Variants in DLG2 observed in about 807,000 individuals in gnomAD.
The protein encoded by DLG2 is discs large MAGUK scaffold protein 2.
DLG2 carries 45 observed loss-of-function variants against 132.5 expected under a neutral mutation model. That is an observed-to-expected ratio of 0.34 (90% CI 0.27 to 0.44). DLG2 has a LOEUF of 0.44. Ranked by LOEUF, DLG2 falls within the 20% of genes least tolerant of loss-of-function variation. The pLI is 1.00. For synonymous variants in DLG2, 424 were observed against 419.6 expected, an observed-to-expected ratio of 1.01 and a Z score of -0.13; for missense variants, 1,045 against 1,196.9, an observed-to-expected ratio of 0.87 and a Z score of 1.87.
intron 3 of DLG2, among the ~76,000 whole-genome samples, chr11:85,425,654 G>A (rs759850124): frequency 3.9e-5 from 6 of 151,988 alleles, no homozygotes; most frequent in Non-Finnish European, 7.4e-5. Context: ...AAAAAATCGG[G>A]GGTGGAGGCA....
intron 3 of DLG2, among the ~76,000 whole-genome samples, chr11:85,485,180 T>C (rs286504): frequency 0.88 from 133,221 of 151,100 alleles, 59,440 homozygotes; most frequent in Middle Eastern, 0.97. Context: ...GGAAGGGGAA[T>C]GTCACACTCT....
intron 3 of DLG2, among the ~76,000 whole-genome samples, chr11:85,434,964 T>G (rs2091397500): frequency 6.6e-6 from 1 of 152,160 alleles, no homozygotes; most frequent in Admixed American, 6.5e-5. Context: ...ATCAAAAAGC[T>G]TATCCACCAC....
chr11:85,350,358 T>G (rs541592408), intron 3 of DLG2, among the ~76,000 whole-genome samples: 11 of 152,364 alleles, frequency 7.2e-5, no homozygotes, highest in Admixed American at 2.6e-4. Context: ...TTCTGTAGGT[T>G]GCCTGTTCAC....
intron 22 of DLG2, chr11:83,480,664 A>G (rs769132144): frequency 6.5e-7 from 1 of 1,534,732 alleles, no homozygotes; most frequent in East Asian, 2.4e-5. Context: ...AATTACAAAA[A>G]ATGCATAATG....
At chr11:83,483,552 A>C (rs1252225846) in intron 22 of DLG2, among the ~76,000 whole-genome samples, 2 of 152,162 alleles carry the variant, frequency 1.3e-5, no homozygotes, top group East Asian at 3.9e-4. Context: ...AATTCAGCAA[A>C]TGCCAATTTT....
intron 11 of DLG2, among the ~76,000 whole-genome samples, chr11:84,029,116 C>T (rs1036421293): frequency 1.3e-5 from 2 of 151,910 alleles, no homozygotes; most frequent in Non-Finnish European, 2.9e-5. Context: ...CAATTTATAC[C>T]TATATTTCTT....
At chr11:84,426,724 C>T (rs753179107) in intron 7 of DLG2, among the ~76,000 whole-genome samples, 10 of 152,038 alleles carry the variant, frequency 6.6e-5, no homozygotes, top group Non-Finnish European at 8.8e-5. Context: ...AAGCAACAAA[C>T]GTCAAGTGAT....
chr11:83,628,651 A>G (rs894706951), intron 19 of DLG2, among the ~76,000 whole-genome samples: 1 of 152,270 alleles, frequency 6.6e-6, no homozygotes, highest in South Asian at 2.1e-4. Context: ...ACTTCCCTCT[A>G]TTTCTACCTC....
intron 6 of DLG2, among the ~76,000 whole-genome samples, chr11:84,691,403 C>A (rs2058024633): frequency 6.6e-6 from 1 of 151,708 alleles, no homozygotes; most frequent in East Asian, 1.9e-4. Flanking sequence ...CTACGTTAAA[C>A]TACCTATGAA....
chr11:85,382,682 T>C (rs1180746149), intron 3 of DLG2, among the ~76,000 whole-genome samples: 1 of 152,232 alleles, frequency 6.6e-6, no homozygotes, highest in Middle Eastern at 3.4e-3. Flanking sequence ...GGGCAAATAT[T>C]TGAACGGACA....
intron 3 of DLG2, among the ~76,000 whole-genome samples, chr11:85,598,349 T>C (rs1054542867): frequency 6.6e-6 from 1 of 152,182 alleles, no homozygotes; most frequent in Admixed American, 6.5e-5. Flanking sequence ...CTCAATGTTT[T>C]ATAACACACT....
At chr11:84,803,733 C>T (rs2153962990) in intron 6 of DLG2, among the ~76,000 whole-genome samples, 1 of 152,292 alleles carries the variant, frequency 6.6e-6, no homozygotes, top group East Asian at 1.9e-4. Flanking sequence ...GACTATGTTG[C>T]ACAGGTCTGC....
At chr11:84,208,341 C>CT (rs775828270) in intron 8 of DLG2, among the ~76,000 whole-genome samples, 21,937 of 122,736 alleles carry the variant, frequency 0.18, 2,945 homozygotes, top group African/African-American at 0.35. Context: ...TCAGAATAAA[C>CT]TTTTTTTTTT....
intron 6 of DLG2, among the ~76,000 whole-genome samples, chr11:84,787,426 C>G (rs993369087): frequency 6.6e-6 from 1 of 152,152 alleles, no homozygotes; most frequent in Non-Finnish European, 1.5e-5. Context: ...CTTTCCTTCT[C>G]TAAATAATTA....
At chr11:85,042,612 C>T (rs1047726371) in intron 6 of DLG2, among the ~76,000 whole-genome samples, 3 of 151,912 alleles carry the variant, frequency 2.0e-5, no homozygotes, top group African/African-American at 7.2e-5. Context: ...AAGAAGAATG[C>T]TTGACACAAA....
At chr11:83,991,444 C>T (rs1358379684) in intron 11 of DLG2, among the ~76,000 whole-genome samples, 1 of 152,186 alleles carries the variant, frequency 6.6e-6, no homozygotes, top group African/African-American at 2.4e-5. Flanking sequence ...ATCCTTTCTG[C>T]TTTCCCTTTG....
chr11:84,707,297 T>C (rs2153750487), intron 6 of DLG2, among the ~76,000 whole-genome samples: 1 of 151,932 alleles, frequency 6.6e-6, no homozygotes, highest in Non-Finnish European at 1.5e-5. Context: ...AGATAAAGAT[T>C]TTTATTTTTT....
intron 6 of DLG2, among the ~76,000 whole-genome samples, chr11:84,543,572 C>T (rs2099383588): frequency 6.6e-6 from 1 of 152,198 alleles, no homozygotes; most frequent in Non-Finnish European, 1.5e-5. Flanking sequence ...GCTTGGTTTA[C>T]TGCTGACCTC....
intron 6 of DLG2, among the ~76,000 whole-genome samples, chr11:84,688,454 C>A (rs2099740030): frequency 6.6e-6 from 1 of 152,148 alleles, no homozygotes; most frequent in Non-Finnish European, 1.5e-5. Flanking sequence ...GAAAAAAATA[C>A]ACTTACATGT....
Sources: allele counts gnomAD v4.1 joint callset (sites outside exome capture counted in the v4.1 genomes callset), GRCh38; gene constraint gnomAD v4.1.1; transcripts MANE v1.5; gene names NCBI Gene and HGNC (gene_info 2026-07-23, HGNC 2026-07-21).